PRKCQ: variants seen among roughly 807,000 people sequenced by gnomAD.
PRKCQ encodes the protein protein kinase C theta.
In PRKCQ, 41 loss-of-function variants were observed where a neutral mutation model predicts 91.2. The observed-to-expected ratio is 0.45, with a 90% CI of 0.35 to 0.58. The LOEUF (loss-of-function observed/expected upper bound fraction) is 0.58. Among genes scored for constraint, PRKCQ ranks in the 20% least tolerant of loss-of-function variants. PRKCQ has a pLI of 0.00. For synonymous variants in PRKCQ, 307 were observed against 316.9 expected (o/e 0.97, Z 0.33); for missense variants, 673 against 896.5 (o/e 0.75, Z 3.18).
intron 1 of PRKCQ, among the ~76,000 whole-genome samples, chr10:6,520,719 A>G (rs1838970184): frequency 6.6e-6 from 1 of 152,082 alleles, no homozygotes; most frequent in Non-Finnish European, 1.5e-5. Context: ...CAGTTCTCTG[A>G]GTGCACTGCT....
chr10:6,407,637 G>A, the PRKCQ span, among the ~76,000 whole-genome samples: 1 of 150,538 alleles, frequency 6.6e-6, no homozygotes, highest in African/African-American at 2.4e-5. This position sits in a 1 kb window ranked among gnomAD's most constrained non-coding sequence, Gnocchi z 4.0. Flanking sequence ...TATATGATGT[G>A]TGTATATGGG....
At chr10:6,482,327 G>A (rs1836647545) in intron 11 of PRKCQ, among the ~76,000 whole-genome samples, 1 of 152,182 alleles carries the variant, frequency 6.6e-6, no homozygotes, top group African/African-American at 2.4e-5. Flanking sequence ...AGCAGAGTGT[G>A]GTGGCACAAC....
intron 4 of PRKCQ, among the ~76,000 whole-genome samples, chr10:6,504,987 G>A (rs564336093): frequency 6.0e-5 from 9 of 151,168 alleles, no homozygotes; most frequent in East Asian, 1.9e-4. Context: ...TCCGCCTCCC[G>A]GGTTCATGCC....
intron 1 of PRKCQ, among the ~76,000 whole-genome samples, chr10:6,573,958 T>C (rs2130982348): frequency 6.6e-6 from 1 of 152,242 alleles, no homozygotes; most frequent in Admixed American, 6.5e-5. Flanking sequence ...CTCTACAAAG[T>C]GCACAAACTA....
intron 12 of PRKCQ, among the ~76,000 whole-genome samples, chr10:6,468,896 G>A (rs902460142): frequency 2.6e-5 from 4 of 152,190 alleles, no homozygotes; most frequent in African/African-American, 7.2e-5. Flanking sequence ...TAGGACAGCC[G>A]ATGGAAAGAG....
intron 16 of PRKCQ, among the ~76,000 whole-genome samples, chr10:6,437,565 C>T (rs1363511792): frequency 6.6e-6 from 1 of 152,184 alleles, no homozygotes; most frequent in Non-Finnish European, 1.5e-5. Context: ...TTTATTGCTA[C>T]AAATGTAGCA....
intron 2 of PRKCQ, 32 bp from the exon 3 acceptor site, chr10:6,511,226 C>T (rs1281482114): frequency 1.9e-6 from 3 of 1,597,834 alleles, no homozygotes; most frequent in Non-Finnish European, 2.6e-6. Flanking sequence ...CTCATTATTC[C>T]TTCAGCCAGG....
In PRKCQ at chr10:6,428,020, C is replaced by T; in HGVS notation, c.*187G>A. On this transcript the variant is annotated 3_prime_UTR_variant, in exon 18 of 18. Coordinates refer to ENST00000263125, the MANE Select transcript of PRKCQ (RefSeq NM_006257.5). The stretch of plus-strand genomic sequence containing the variant: ...ACATGTCAGGAGACGAGACACACGG[C>T]ATCGTCATTAGTGAAGTAGACTTGG... The T allele has an allele frequency of 1.5e-6, 1 of 659,774 alleles. No homozygotes were observed. Among genetic ancestry groups the T allele is most frequent in the East Asian group, 2.8e-5 (1 of 35,402 alleles). 40.9% of individuals were successfully genotyped at this position (659,774 alleles called of 1,614,324 possible). A position where few individuals can be genotyped will look rare whatever the true frequency, so the allele number is the denominator to read the frequency against.
intron 13 of PRKCQ, among the ~76,000 whole-genome samples, chr10:6,462,877 C>A (rs601512): frequency 0.072 from 10,934 of 151,834 alleles, 876 homozygotes; most frequent in African/African-American, 0.2. Flanking sequence ...TGGTGTTGGG[C>A]GCCTGTAGCC....
chr10:6,466,292 A>C (rs1835651251), intron 12 of PRKCQ, among the ~76,000 whole-genome samples: 1 of 152,216 alleles, frequency 6.6e-6, no homozygotes, highest in Non-Finnish European at 1.5e-5. Context: ...ACTCCCATGC[A>C]TTCCACACAC....
At chr10:6,559,678 C>A (rs1051699654) in intron 1 of PRKCQ, among the ~76,000 whole-genome samples, 1 of 152,056 alleles carries the variant, frequency 6.6e-6, no homozygotes, top group African/African-American at 2.4e-5. Flanking sequence ...TTCTGTTAAC[C>A]ATGATTTTGT....
At chr10:6,557,701 A>G (rs1314203873) in intron 1 of PRKCQ, among the ~76,000 whole-genome samples, 1 of 152,108 alleles carries the variant, frequency 6.6e-6, no homozygotes, top group African/African-American at 2.4e-5. Flanking sequence ...ATTCAACTCC[A>G]TATTGGACCT....
chr10:6,395,054 G>GGTTTT, the PRKCQ span, among the ~76,000 whole-genome samples: 1 of 129,952 alleles, frequency 7.7e-6, no homozygotes, highest in Non-Finnish European at 1.6e-5. Context: ...GGAAGCTGGA[G>GGTTTT]TCTTTTTTTT....
chr10:6,473,511 T>C (rs1836104483), intron 12 of PRKCQ, among the ~76,000 whole-genome samples: 1 of 152,248 alleles, frequency 6.6e-6, no homozygotes, highest in Non-Finnish European at 1.5e-5. Context: ...TAACAACGTG[T>C]AAGCGTTCTC....
At chr10:6,444,377 C>A (rs190594829) in intron 15 of PRKCQ, among the ~76,000 whole-genome samples, 4 of 152,216 alleles carry the variant, frequency 2.6e-5, no homozygotes, top group Admixed American at 1.3e-4. Flanking sequence ...CATTACTGAA[C>A]TGTACACAAA....
At chr10:6,403,163 C>T in the PRKCQ span, among the ~76,000 whole-genome samples, 1 of 152,206 alleles carries the variant, frequency 6.6e-6, no homozygotes, top group South Asian at 2.1e-4. Context: ...CTGCTGGTCG[C>T]TCTCATGCCT....
rs753339055 is a variant in PRKCQ at position 6,576,025 on chromosome 10, C to T, written c.-10+4186G>A. ...ACTGCACTCCAGCCTGGCGACACAGCGAGACTCCATCTCAAAAAACACAAA... is the reference window on the plus strand; with the variant it reads ...ACTGCACTCCAGCCTGGCGACACAGTGAGACTCCATCTCAAAAAACACAAA... On this transcript the variant is annotated intron_variant, in intron 1 of 17. Transcript: ENST00000263125. This position sits in a 1 kb window ranked among gnomAD's most constrained non-coding sequence, Gnocchi z 4.2. Among the ~76,000 whole-genome samples the T allele has an allele frequency of 9.2e-5, 14 of 152,196 alleles. No individual in the cohort carries two copies. Among genetic ancestry groups the T allele is most frequent in the East Asian group, 1.9e-4 (1 of 5,178 alleles).
chr10:6,523,497 A>T (rs1222427811), intron 1 of PRKCQ, among the ~76,000 whole-genome samples: 3 of 152,068 alleles, frequency 2.0e-5, no homozygotes, highest in Non-Finnish European at 2.9e-5. Flanking sequence ...TAATATTTTA[A>T]AATAACCCCT....
intron 1 of PRKCQ, among the ~76,000 whole-genome samples, chr10:6,570,766 GAT>G (rs1413380153): frequency 6.6e-6 from 1 of 152,012 alleles, no homozygotes; most frequent in Non-Finnish European, 1.5e-5. Flanking sequence ...TGTTGGCCAG[GAT>G]GGTCTAAAAC....
Sources: allele counts gnomAD v4.1 joint callset (sites outside exome capture counted in the v4.1 genomes callset), GRCh38; gene constraint gnomAD v4.1.1; non-coding constraint Gnocchi (gnomAD v3.1); transcripts MANE v1.5; gene names NCBI Gene and HGNC (gene_info 2026-07-23, HGNC 2026-07-21).